YIF1A: variants seen among roughly 807,000 people sequenced by gnomAD.
YIF1A encodes Yip1 interacting factor homolog A, membrane trafficking protein, also known as protein YIF1A.
Under a neutral mutation model 32.6 loss-of-function variants are expected in YIF1A, and 28 were observed. The observed-to-expected ratio is 0.86, with a 90% CI of 0.64 to 1.18. YIF1A has a LOEUF of 1.18. Among genes scored for constraint, YIF1A ranks in the 50% most tolerant of loss-of-function variants. The probability of loss-of-function intolerance (pLI) is 0.00; values close to 1 mark genes in which losing one functional copy is unlikely to be tolerated. For missense variants in YIF1A, 373 were observed against 390.8 expected, an observed-to-expected ratio of 0.95 and a Z score of 0.38; for synonymous variants, 175 against 162.2, an observed-to-expected ratio of 1.08 and a Z score of -0.60.
rs762862457 is a variant in YIF1A, at chr11:66,287,675, T to G, written c.350A>C (p.Asn117Thr). Residue 117 changes from asparagine to threonine, a missense_variant and splice_region_variant, in exon 4 of 8, where the codon AAC (asparagine) becomes ACC (threonine). Physicochemically the swap from Asn to Thr is moderately conservative, Grantham distance 65. Transcript: ENST00000376901. ...ATCACGACTGTACTGCACTTCCCAG[T>G]TCTGGCAGTGGCAGTGGCAGCAGCG... Reference protein sequence around the residue: ...GLLVFPYTHQNWEVQYSRDAP... With the variant: ...GLLVFPYTHQTWEVQYSRDAP... The G allele has an allele frequency of 9.9e-6, 16 of 1,612,690 alleles. No homozygotes were observed. The East Asian group carries it at 3.6e-4, about 36-fold the overall frequency.
At position 66,285,725 on chromosome 11, in the gene YIF1A, C is replaced by G. The variant is rs1857346169; in HGVS notation, c.461G>C (p.Gly154Ala). 1 of 1,613,188 alleles carries G rather than the reference C, an allele frequency of 6.2e-7. No homozygotes were observed. The highest frequency in any genetic ancestry group is 8.5e-7 in the Non-Finnish European group (1 of 1,179,920). ...MAFITYVLLA[G>A]MALGIQKRFS... ...CCTTTTCTGAATGCCCAGTGCCATC[C>G]CAGCCAGGAGCACGTAAGTAATGAA... Residue 154 changes from glycine to alanine, a missense_variant, in exon 5 of 8, where the codon GGG becomes GCG. Physicochemically the swap from Gly to Ala is moderately conservative, Grantham distance 60 (BLOSUM62 0). Transcript: ENST00000376901.
chr11:66,287,979 G>A, intron 2 of YIF1A, 63 bp from the exon 3 acceptor site: 2 of 1,606,270 alleles, frequency 1.2e-6, no homozygotes, highest in Non-Finnish European at 8.5e-7. Context: ...GCCCCTCTGT[G>A]TGCTCCATCC....
chr11:66,285,440 G>A lies in YIF1A; in HGVS notation c.582C>T (p.Thr194=), dbSNP rs148222670. 2.0e-4 allele frequency: 329 copies of A among 1,613,286 alleles called. No individual in the cohort carries two copies. The highest frequency in any genetic ancestry group is 2.6e-4 in the Non-Finnish European group (312 of 1,180,030). Residue 194 remains threonine (T), a synonymous_variant, in exon 6 of 8, where the codon ACC becomes ACT. Coordinates refer to ENST00000376901, the MANE Select transcript of YIF1A (RefSeq NM_020470.3). ...GAAAGGTGCTCAGGTCACTGCGCAC[G>A]GTGGCCAGGTAGAGGCCCAGGAGCA... ...LALLLGLYLA[T]VRSDLSTFHL...
chr11:66,285,357 TC>T, intron 6 of YIF1A, 23 bp downstream of exon 6: 1 of 1,603,062 alleles, frequency 6.2e-7, no homozygotes, highest in Non-Finnish European at 8.5e-7. Flanking sequence ...CAAGGCCACC[TC>T]CCCCTGGCCC....
intron 1 of YIF1A, 75 bp downstream of exon 1, chr11:66,288,880 C>A (rs1471664055): frequency 4.2e-6 from 6 of 1,420,176 alleles, no homozygotes; most frequent in Non-Finnish European, 5.5e-6. Flanking sequence ...GTCGCTATCT[C>A]CCTCGGGGTG....
chr11:66,285,019 A>C (rs1260004235), intron 6 of YIF1A, 53 bp from the exon 7 acceptor site: 2 of 1,584,380 alleles, frequency 1.3e-6, no homozygotes, highest in African/African-American at 2.7e-5. Flanking sequence ...TAGGCCTGAG[A>C]TTGGCCCTAC....
rs1857339639 is a variant in YIF1A, at chr11:66,285,443, G to A, written c.579C>T (p.Ala193=). Residue 193 remains alanine, a synonymous_variant, in exon 6 of 8, where the codon GCC becomes GCT. Transcript: ENST00000376901. Reference sequence around the variant, plus strand: ...AGGTGCTCAGGTCACTGCGCACGGTGGCCAGGTAGAGGCCCAGGAGCAGGG... The same window carrying A: ...AGGTGCTCAGGTCACTGCGCACGGTAGCCAGGTAGAGGCCCAGGAGCAGGG... ...VLALLLGLYL[A]TVRSDLSTFH... is the part of the protein sequence containing the mutation. 1 of 1,613,422 alleles carries A rather than the reference G, an allele frequency of 6.2e-7. No homozygotes were observed. The highest frequency in any genetic ancestry group is 1.3e-5 in the African/African-American group (1 of 75,062).
At chr11:66,288,858 G>A in intron 1 of YIF1A, 97 bp downstream of exon 1, 5 of 1,341,624 alleles carry the variant, frequency 3.7e-6, no homozygotes, top group Non-Finnish European at 4.8e-6. Context: ...CCCGCCCTGG[G>A]CGGCGGTCCC....
At position 66,288,196 on chromosome 11, in the gene YIF1A, G is replaced by T; in HGVS notation, c.128C>A (p.Thr43Lys). The T allele has an allele frequency of 6.2e-7, 1 of 1,614,172 alleles. No individual in the cohort carries two copies. The highest frequency in any genetic ancestry group is 1.1e-5 in the South Asian group (1 of 91,090). The change falls in exon 2 of 8, where the codon ACA becomes AAA. Residue 43 changes from threonine to lysine, a missense_variant. Physicochemically the swap from Thr to Lys is moderately conservative, Grantham distance 78. Transcript: ENST00000376901. ...GACACTGAAGGCCACGTCTGCTCCT[G>T]TGGCTGGGTATCCCCCGGGCTGGCT... The part of the protein sequence containing the change: ...YSSQPGGYPA[T>K]GADVAFSVNH...
At chr11:66,285,065 C>A in intron 6 of YIF1A, 99 bp from the exon 7 acceptor site, 2 of 1,236,418 alleles carry the variant, frequency 1.6e-6, no homozygotes, top group South Asian at 1.3e-5. Flanking sequence ...CCCCACCTCC[C>A]ACAGCACCTT....
intron 4 of YIF1A, 52 bp from the exon 5 acceptor site, chr11:66,285,810 C>T: frequency 6.3e-7 from 1 of 1,599,278 alleles, no homozygotes; most frequent in Non-Finnish European, 8.5e-7. Context: ...ATCAGAGCTG[C>T]CTTACTAGGC....
intron 4 of YIF1A, 122 bp downstream of exon 4, chr11:66,287,476 C>T (rs1189887570): frequency 8.2e-7 from 1 of 1,217,438 alleles, no homozygotes; most frequent in Non-Finnish European, 1.2e-6. Context: ...GCCACACATA[C>T]ACAAAGCACC....
chr11:66,288,265 G>A lies in YIF1A; in HGVS notation c.59C>T (p.Pro20Leu), dbSNP rs748581892. 1.2e-6 allele frequency: 2 copies of A among 1,613,966 alleles called. No individual in the cohort carries two copies. The highest frequency in any genetic ancestry group is 1.6e-4 in the Middle Eastern group (1 of 6,082). The change falls in exon 2 of 8, where the codon CCG becomes CTG. Residue 20 changes from proline (P) to leucine (L), a missense_variant. Coordinates refer to ENST00000376901, the MANE Select transcript of YIF1A (RefSeq NM_020470.3). ...HGSKHRARAA[P>L]DPPPLFDDTS... ...GTCATCGAAGAGGGGAGGGGGATCCGGGGCTGCCCGGGCCCTGTGCTTGGA... is the reference window on the plus strand; with the variant it reads ...GTCATCGAAGAGGGGAGGGGGATCCAGGGCTGCCCGGGCCCTGTGCTTGGA...
rs1043454 is a variant in YIF1A, at chr11:66,284,699, G to A, written c.820C>T (p.Leu274=). 11 of 1,612,620 alleles carry A rather than the reference G, an allele frequency of 6.8e-6. 1 individual carries two copies. Among genetic ancestry groups the A allele is most frequent in the African/African-American group, 1.3e-5 (1 of 74,936 alleles). ...AGGGGCTGGAAGGCTGCAGCTCCCAGAGTCAGGTAGAGCTGGAGACGCTGC... is the reference window on the plus strand; with the variant it reads ...AGGGGCTGGAAGGCTGCAGCTCCCAAAGTCAGGTAGAGCTGGAGACGCTGC... ...PRQRLQLYLT[L]GAAAFQPLII... Residue 274 remains leucine (L), a synonymous_variant, in exon 8 of 8, where the codon CTG becomes TTG. Transcript: ENST00000376901.
At position 66,288,825 on chromosome 11, in the gene YIF1A, G is replaced by A. The variant is rs529625410; in HGVS notation, c.31+130C>T. On this transcript the variant is annotated intron_variant, in intron 1 of 7. Transcript: ENST00000376901. ...TCCGGGACGTGTTGGAGTGTTACGA[G>A]GGGCAGGAACCCGAGTGACACCCCC... 2.8e-5 allele frequency: 30 copies of A among 1,083,492 alleles called. No homozygotes were observed. In the South Asian group the frequency reaches 5.1e-4, roughly 18 times the overall value. The allele number at this position is 1,083,492 out of a possible 1,614,324, so 67.1% of individuals were successfully genotyped here.
At chr11:66,288,348 C>T in intron 1 of YIF1A, 56 bp from the exon 2 acceptor site, 1 of 1,604,556 alleles carries the variant, frequency 6.2e-7, no homozygotes, top group Non-Finnish European at 8.5e-7. Context: ...TGAGCCCAAA[C>T]CACCGCCCCT....
intron 1 of YIF1A, 78 bp from the exon 2 acceptor site, chr11:66,288,370 A>G: frequency 2.6e-6 from 4 of 1,557,722 alleles, no homozygotes; most frequent in Non-Finnish European, 3.5e-6. Flanking sequence ...CCCTGGCTGG[A>G]CAGCCCTGCA....
intron 6 of YIF1A, 34 bp downstream of exon 6, chr11:66,285,347 C>G (rs985589887): frequency 6.2e-7 from 1 of 1,600,038 alleles, no homozygotes; most frequent in African/African-American, 1.3e-5. Context: ...GGCCCAGATC[C>G]AAGGCCACCT....
Position 66,289,138 on chromosome 11 carries a change from G to A in YIF1A, c.-153C>T. Reference sequence around the variant, plus strand: ...CGCCGGTCTCGGCCACCATGTCCGTGGCGTCATCCCCCGCGCCTGCCATTG... The same window carrying A: ...CGCCGGTCTCGGCCACCATGTCCGTAGCGTCATCCCCCGCGCCTGCCATTG... On this transcript the variant is annotated 5_prime_UTR_variant, in exon 1 of 8. Transcript: ENST00000376901. 2 of 1,195,016 alleles carry A rather than the reference G, an allele frequency of 1.7e-6. No individual in the cohort carries two copies. Among genetic ancestry groups the A allele is most frequent in the Non-Finnish European group, 2.2e-6 (2 of 910,576 alleles). 74.0% of individuals were successfully genotyped at this position (1,195,016 alleles called of 1,614,324 possible).
Sources: gnomAD v4.1 joint callset for allele counts on GRCh38, gnomAD v4.1.1 for gene constraint, MANE v1.5 for transcripts, NCBI Gene and HGNC (gene_info 2026-07-23, HGNC 2026-07-21) for gene names.